Variants in TGM1 observed in about 807,000 individuals in gnomAD.
The protein encoded by TGM1 is protein-glutamine gamma-glutamyltransferase K.
TGM1 carries 63 observed loss-of-function variants against 88.7 expected under a neutral mutation model. The observed-to-expected ratio is 0.71, with a 90% CI of 0.58 to 0.88. TGM1 has a LOEUF of 0.88. TGM1 is among the 40% of genes least tolerant of loss of function. TGM1 has a pLI of 0.00. For missense variants in TGM1, 996 were observed against 1,118.0 expected (o/e 0.89, Z 1.56); for synonymous variants, 415 against 431.1 (o/e 0.96, Z 0.46).
chr14:24,254,092 A>G (rs2855011), intron 14 of TGM1, 60 bp downstream of exon 14: 3 of 1,571,726 alleles, frequency 1.9e-6, no homozygotes, highest in East Asian at 2.3e-5. Flanking sequence ...GCTGGGAGCC[A>G]GGGCAGCCTG....
rs758721094 is a variant in TGM1, at chr14:24,262,086, C to T, written c.267G>A (p.Arg89=). The change falls in exon 2 of 15, where the codon CGG becomes CGA. Residue 89 remains arginine, a synonymous_variant. Transcript: ENST00000206765. ...RPGSRGSDSR[R]PVSRGSGVNA... Reference sequence around the variant, plus strand: ...TGACACCGCTGCCCCGGGATACAGGCCGGCGGGAGTCTGAGCCCCGGGAGC... The same window carrying T: ...TGACACCGCTGCCCCGGGATACAGGTCGGCGGGAGTCTGAGCCCCGGGAGC... The T allele has an allele frequency of 5.6e-6, 9 of 1,613,492 alleles. No homozygotes were observed. The highest frequency in any genetic ancestry group is 2.7e-5 in the African/African-American group (2 of 74,940).
intron 14 of TGM1, among the ~76,000 whole-genome samples, chr14:24,252,668 C>T (rs984341125): frequency 1.3e-5 from 2 of 152,194 alleles, no homozygotes; most frequent in Non-Finnish European, 2.9e-5. Context: ...GCTTCCTTCT[C>T]AGCTTTGGCC....
chr14:24,250,706 A>G (rs1450960434), intron 14 of TGM1, among the ~76,000 whole-genome samples: 1 of 152,194 alleles, frequency 6.6e-6, no homozygotes. Flanking sequence ...TCCTGCCTCT[A>G]GGAAAAGGAA....
At position 24,256,026 on chromosome 14, in the gene TGM1, A is replaced by G; in HGVS notation, c.1454T>C (p.Val485Ala). The change falls in exon 10 of 15, where the codon GTC becomes GCC. Residue 485 changes from valine (V) to alanine (A), a missense_variant. Val to Ala is a moderately conservative substitution (Grantham distance 64, BLOSUM62 0). Transcript: ENST00000206765. ...CSVESIKNGL[V>A]YMKYDTPFIF... The stretch of plus-strand genomic sequence containing the variant: ...GAAAGGCGTGTCGTACTTCATGTAG[A>G]CCAGGCCATTCTTGATGGACTCCAC... 6.4e-7 allele frequency: 1 copy of G among 1,571,016 alleles called. No individual in the cohort carries two copies. The highest frequency in any genetic ancestry group is 1.8e-5 in the Admixed American group (1 of 54,164).
Position 24,259,071 on chromosome 14 carries a change from C to T in TGM1, c.1159+4G>A, listed in dbSNP as rs983964332. On this transcript the variant is annotated splice_donor_region_variant and intron_variant, in intron 7 of 14. Coordinates refer to ENST00000206765, the MANE Select transcript of TGM1 (RefSeq NM_000359.3). This position sits in a 1 kb window ranked among gnomAD's most constrained non-coding sequence, Gnocchi z 5.7. ...GGCCACTCCTGTCCCAGTCCCTCCACTACCTGTGGTGGTCACGCCAGCAAA... is the reference window on the plus strand; with the variant it reads ...GGCCACTCCTGTCCCAGTCCCTCCATTACCTGTGGTGGTCACGCCAGCAAA... 6.2e-7 allele frequency: 1 copy of T among 1,613,862 alleles called. No individual in the cohort carries two copies. Among genetic ancestry groups the T allele is most frequent in the African/African-American group, 1.3e-5 (1 of 74,934 alleles).
chr14:24,250,179 T>TGTGTGTGTGA (rs138497842), intron 14 of TGM1, among the ~76,000 whole-genome samples: 214 of 140,802 alleles, frequency 1.5e-3, no homozygotes, highest in East Asian at 4.6e-3. Flanking sequence ...TGTGTGTGTG[T>TGTGTGTGTGA]GAGAGAGACA....
chr14:24,260,079 A>G lies in TGM1; in HGVS notation c.758-21T>C, dbSNP rs768900294. 6.8e-6 allele frequency: 11 copies of G among 1,605,920 alleles called. 1 individual carries two copies. The East Asian group carries it at 2.5e-4, about 36-fold the overall frequency. ...GTCCTCTGTGTCCCCAGAACACACA[A>G]AACTGGTTCCCTCCAGTTCTCTCCC... On this transcript the variant is annotated intron_variant, in intron 4 of 14. Transcript: ENST00000206765.
At chr14:24,254,085 G>C in intron 14 of TGM1, 67 bp downstream of exon 14, 3 of 1,563,722 alleles carry the variant, frequency 1.9e-6, no homozygotes, top group Non-Finnish European at 2.6e-6. Context: ...GAGCAAAGCT[G>C]GGAGCCAGGG....
rs1348644751 is a variant in TGM1, at chr14:24,255,876, C to T, written c.1491+113G>A. ...CCCCTTTTACAGGTGAGGAAACTGA[C>T]TTGTATAATGAGTGACTTGCCCCGG... is the stretch of plus-strand genomic sequence containing the variant. On this transcript the variant is annotated intron_variant, in intron 10 of 14. Coordinates refer to ENST00000206765, the MANE Select transcript of TGM1 (RefSeq NM_000359.3). This position sits in a 1 kb window ranked among gnomAD's most constrained non-coding sequence, Gnocchi z 4.0. The T allele has an allele frequency of 1.2e-6, 1 of 831,916 alleles. No individual in the cohort carries two copies. The highest frequency in any genetic ancestry group is 1.8e-5 in the African/African-American group (1 of 56,146). The allele number at this position is 831,916 out of a possible 1,614,324, so 51.5% of individuals were successfully genotyped here.
chr14:24,255,257 G>A lies in TGM1; in HGVS notation c.1646-4C>T. 6.2e-7 allele frequency: 1 copy of A among 1,613,854 alleles called. No homozygotes were observed. The highest frequency in any genetic ancestry group is 8.5e-7 in the Non-Finnish European group (1 of 1,180,046). ...GCCTTCCGCTCTGCGTCTGAGCCTG[G>A]GGGTTGAGGGTCAAGGGTGAGGTTC... On this transcript the variant is annotated splice_region_variant and splice_polypyrimidine_tract_variant and intron_variant, in intron 11 of 14. Transcript: ENST00000206765. This position sits in a 1 kb window ranked among gnomAD's most constrained non-coding sequence, Gnocchi z 4.0.
Position 24,249,376 on chromosome 14 carries a change from TGAG to T in TGM1, c.2388_2390del (p.Phe796_Ser797delinsLeu). 1.9e-6 allele frequency: 3 copies of T among 1,614,062 alleles called. No homozygotes were observed. Among genetic ancestry groups the T allele is most frequent in the Non-Finnish European group, 2.5e-6 (3 of 1,180,008 alleles). Reference sequence around the variant, plus strand: ...CTAAGTGACTGTCACCTCCAGCGTCTGAGAAGAAGCCCCCATCCCCAGGGGCTG... The same window carrying T: ...CTAAGTGACTGTCACCTCCAGCGTCTAAGAAGCCCCCATCCCCAGGGGCTG... On this transcript the variant is annotated inframe_deletion, in exon 15 of 15. Transcript: ENST00000206765.
In TGM1 at chr14:24,260,190, T is replaced by C. The variant is rs41293788; in HGVS notation, c.758-132A>G. 4.1e-3 allele frequency: 4,048 copies of C among 982,324 alleles called. 98 individuals are homozygous for C. In the African/African-American group the frequency reaches 0.056, roughly 14 times the overall value. 60.9% of individuals were successfully genotyped at this position (982,324 alleles called of 1,614,324 possible). ...GATGCCCCTAGCCTGACAGGACTGC[T>C]GTGGGAGGACACGGGGAGCATGACA... is the stretch of plus-strand genomic sequence containing the variant. On this transcript the variant is annotated intron_variant, in intron 4 of 14. Coordinates refer to ENST00000206765, the MANE Select transcript of TGM1 (RefSeq NM_000359.3).
rs1211811598 is a variant in TGM1, at chr14:24,262,249, G to C, written c.104C>G (p.Ser35Cys). 6.2e-7 allele frequency: 1 copy of C among 1,613,828 alleles called. No homozygotes were observed. The highest frequency in any genetic ancestry group is 8.5e-7 in the Non-Finnish European group (1 of 1,180,044). The stretch of plus-strand genomic sequence containing the variant: ...GAAGGAACGGCCTCCTCCTCTGCGA[G>C]AGCGTCCGTCTGGCTCTGGCTCTGG... Reference protein sequence around the residue: ...PEPEPEPDGRSRRGGGRSFWA... With the variant: ...PEPEPEPDGRCRRGGGRSFWA... The change falls in exon 2 of 15, where the codon TCT becomes TGT. Residue 35 changes from serine to cysteine, a missense_variant. Transcript: ENST00000206765.
intron 14 of TGM1, among the ~76,000 whole-genome samples, chr14:24,251,367 T>C (rs777886236): frequency 2.0e-4 from 30 of 152,326 alleles, no homozygotes; most frequent in Non-Finnish European, 3.8e-4. Context: ...CTCTATACCA[T>C]AATTGAACTA....
intron 13 of TGM1, 59 bp from the exon 14 acceptor site, chr14:24,254,347 C>T (rs982063019): frequency 1.7e-5 from 27 of 1,612,200 alleles, no homozygotes; most frequent in Middle Eastern, 1.6e-4. Context: ...ACACGGGGAC[C>T]GTACACTGCA....
chr14:24,259,163 GCCCA>G lies in TGM1; in HGVS notation c.1067_1070del (p.Val356AlafsTer27). ...GGTAGCTAAGCAGGATCTCCACGCT[GCCCA>G]CCCACGCTGATGGGTTGGTGCCTCG... On this transcript the variant is annotated frameshift_variant, in exon 7 of 15. Transcript: ENST00000206765. LOFTEE classifies it high-confidence loss of function. The surrounding 1 kb of genome is among the most constrained non-coding windows in gnomAD (Gnocchi z 5.7). The G allele has an allele frequency of 6.2e-7, 1 of 1,614,130 alleles. No individual in the cohort carries two copies. Among genetic ancestry groups the G allele is most frequent in the Non-Finnish European group, 8.5e-7 (1 of 1,179,990 alleles).
At position 24,254,199 on chromosome 14, in the gene TGM1, G is replaced by C. The variant is rs202107026; in HGVS notation, c.2178C>G (p.Phe726Leu). 14 of 1,613,914 alleles carry C rather than the reference G, an allele frequency of 8.7e-6. No individual in the cohort carries two copies. The East Asian group carries it at 2.9e-4, about 33-fold the overall frequency. The part of the protein sequence containing the change: ...PLPVTLTNVV[F>L]RLEGSGLQRP... ...TCTGTAACCCAGAGCCTTCGAGCCG[G>C]AAGACGACATTGGTGAGGGTGACGG... is the stretch of plus-strand genomic sequence containing the variant. Residue 726 changes from phenylalanine (F) to leucine (L), a missense_variant, in exon 14 of 15, where the codon TTC (phenylalanine) becomes TTG (leucine). Physicochemically the swap from Phe to Leu is conservative, Grantham distance 22 (BLOSUM62 0). Transcript: ENST00000206765.
intron 1 of TGM1, among the ~76,000 whole-genome samples, chr14:24,262,751 C>G (rs2040825389): frequency 6.6e-6 from 1 of 152,228 alleles, no homozygotes; most frequent in African/African-American, 2.4e-5. Flanking sequence ...GCTCTGCAGT[C>G]TAGAGGTGCA....
chr14:24,260,422 C>T (rs779393103), intron 4 of TGM1, 28 bp downstream of exon 4: 2 of 1,613,914 alleles, frequency 1.2e-6, no homozygotes, highest in South Asian at 1.1e-5. Flanking sequence ...CTCCCATCTA[C>T]CCTCTGCTCC....
Sources: allele counts gnomAD v4.1 joint callset (sites outside exome capture counted in the v4.1 genomes callset), GRCh38; gene constraint gnomAD v4.1.1; non-coding constraint Gnocchi (gnomAD v3.1); transcripts MANE v1.5; gene names NCBI Gene and HGNC (gene_info 2026-07-23, HGNC 2026-07-21).